FBXO11: variants seen among roughly 807,000 people sequenced by gnomAD.
The protein encoded by FBXO11 is F-box protein 11, also known as F-box only protein 11.
FBXO11 carries 13 observed loss-of-function variants against 117.0 expected under a neutral mutation model. The ratio of observed to expected loss-of-function variants is 0.11; its 90% CI spans 0.07 to 0.18. FBXO11 has a LOEUF of 0.18. Among genes scored for constraint, FBXO11 ranks in the 10% least tolerant of loss-of-function variants. The pLI, the probability that FBXO11 is intolerant of heterozygous loss-of-function variation, is 1.00. For synonymous variants in FBXO11, 490 were observed against 380.5 expected, an observed-to-expected ratio of 1.29 and a Z score of -3.35; for missense variants, 767 against 1,164.4, an observed-to-expected ratio of 0.66 and a Z score of 4.97.
intron 21 of FBXO11, 173 bp downstream of exon 21, chr2:47,808,985 C>CCA: frequency 4.0e-6 from 2 of 501,526 alleles, no homozygotes; most frequent in Non-Finnish European, 7.0e-6. Context: ...GCATAAGCCA[C>CCA]CACGCCTACC....
chr2:47,870,351 A>G (rs1488379315), intron 1 of FBXO11, among the ~76,000 whole-genome samples: 1 of 152,188 alleles, frequency 6.6e-6, no homozygotes, highest in East Asian at 1.9e-4. Flanking sequence ...TGTGCCTCTT[A>G]AAATGGTATT....
chr2:47,894,050 T>A (rs984044574), intron 1 of FBXO11, among the ~76,000 whole-genome samples: 1 of 152,170 alleles, frequency 6.6e-6, no homozygotes, highest in South Asian at 2.1e-4. Flanking sequence ...ATCATCAATT[T>A]CAATCAAGTA....
chr2:47,836,894 TTG>T (rs1672617461), intron 4 of FBXO11: 1 of 365,494 alleles, frequency 2.7e-6, no homozygotes, highest in African/African-American at 2.2e-5. Context: ...AGTGATCCTC[TTG>T]TCTTATTTTT....
intron 1 of FBXO11, among the ~76,000 whole-genome samples, chr2:47,865,442 G>A (rs1441763303): frequency 1.3e-5 from 2 of 152,300 alleles, no homozygotes; most frequent in East Asian, 3.9e-4. Context: ...GAATGTTGGA[G>A]AGTGAACAAA....
At chr2:47,905,083 C>T (rs1678661895) in intron 1 of FBXO11, 1 of 156,022 alleles carries the variant, frequency 6.4e-6, no homozygotes, top group South Asian at 2.1e-4. Flanking sequence ...CAGTCGCTCC[C>T]CCCACCTACC....
chr2:47,842,478 A>G (rs1448606384), intron 1 of FBXO11, among the ~76,000 whole-genome samples: 2 of 152,140 alleles, frequency 1.3e-5, no homozygotes, highest in African/African-American at 4.8e-5. Flanking sequence ...ATATTTCATA[A>G]TAACAAAGGT....
At chr2:47,841,966 G>C (rs1673043858) in intron 1 of FBXO11, among the ~76,000 whole-genome samples, 1 of 150,674 alleles carries the variant, frequency 6.6e-6, no homozygotes, top group Non-Finnish European at 1.5e-5. Context: ...GCTAGAAAAT[G>C]ATTATAATAC....
chr2:47,891,232 T>C (rs556704247), intron 1 of FBXO11, among the ~76,000 whole-genome samples: 1 of 152,326 alleles, frequency 6.6e-6, no homozygotes, highest in African/African-American at 2.4e-5. Context: ...CGGAACTTAT[T>C]CATCCTGCTT....
At chr2:47,827,035 A>G (rs1258623677) in intron 11 of FBXO11, among the ~76,000 whole-genome samples, 1 of 152,238 alleles carries the variant, frequency 6.6e-6, no homozygotes, top group African/African-American at 2.4e-5. Context: ...GTATTAATAA[A>G]TTAGGTTAAG....
chr2:47,839,519 A>C lies in FBXO11; in HGVS notation c.361-19T>G, dbSNP rs1672855212. 6.2e-7 allele frequency: 1 copy of C among 1,612,154 alleles called. No homozygotes were observed. The highest frequency in any genetic ancestry group is 8.5e-7 in the Non-Finnish European group (1 of 1,179,406). On this transcript the variant is annotated intron_variant, in intron 2 of 22. Coordinates refer to ENST00000403359, the MANE Select transcript of FBXO11 (RefSeq NM_001190274.2). ...AGGCGCCCTTCAAAAACAAAACAGAAACTAGTAAAGCAAATATTCTTATCA... is the reference window on the plus strand; with the variant it reads ...AGGCGCCCTTCAAAAACAAAACAGACACTAGTAAAGCAAATATTCTTATCA...
At chr2:47,901,552 A>T (rs1184751120) in intron 1 of FBXO11, among the ~76,000 whole-genome samples, 1 of 152,158 alleles carries the variant, frequency 6.6e-6, no homozygotes, top group African/African-American at 2.4e-5. Flanking sequence ...GGACTTCTGA[A>T]TTTTAAACTG....
intron 1 of FBXO11, among the ~76,000 whole-genome samples, chr2:47,856,370 G>A (rs1186529186): frequency 2.0e-5 from 3 of 152,204 alleles, no homozygotes; most frequent in African/African-American, 7.2e-5. Context: ...GGAAGACACG[G>A]TATGCAGCAA....
intron 18 of FBXO11, chr2:47,810,651 T>G (rs1670546552): frequency 2.4e-6 from 1 of 422,504 alleles, no homozygotes; most frequent in Admixed American, 4.3e-5. Flanking sequence ...ATCTGCCATC[T>G]CCATGATAGC....
intron 1 of FBXO11, among the ~76,000 whole-genome samples, chr2:47,847,479 CGGGAGG>C (rs1673507440): frequency 6.6e-6 from 1 of 151,906 alleles, no homozygotes; most frequent in Non-Finnish European, 1.5e-5. Context: ...GAGGCCAAGA[CGGGAGG>C]ATCATTTGAG....
At chr2:47,836,431 C>T (rs750553573) in intron 4 of FBXO11, among the ~76,000 whole-genome samples, 36 of 151,968 alleles carry the variant, frequency 2.4e-4, no homozygotes, top group Admixed American at 5.2e-4. Context: ...TGCAGTGCCA[C>T]GATCTCAGTT....
chr2:47,883,424 T>C (rs1325671529), intron 1 of FBXO11: 6 of 378,962 alleles, frequency 1.6e-5, no homozygotes, highest in South Asian at 1.0e-4. Flanking sequence ...CTCATCTCTT[T>C]ATTTCACTCA....
intron 1 of FBXO11, among the ~76,000 whole-genome samples, chr2:47,903,362 T>C (rs763954078): frequency 1.3e-5 from 2 of 152,204 alleles, no homozygotes; most frequent in Non-Finnish European, 2.9e-5. Flanking sequence ...GCAACAATTC[T>C]ACAGTAAATT....
chr2:47,862,072 C>T (rs1423513130), intron 1 of FBXO11, among the ~76,000 whole-genome samples: 3 of 152,080 alleles, frequency 2.0e-5, no homozygotes, highest in African/African-American at 7.2e-5. Flanking sequence ...GCTACCATGC[C>T]TGGCTAATTT....
intron 21 of FBXO11, 146 bp downstream of exon 21, chr2:47,809,012 A>C (rs1037442655): frequency 8.8e-6 from 5 of 570,992 alleles, no homozygotes; most frequent in Non-Finnish European, 9.3e-6. Context: ...TACAGTCTTA[A>C]ACACGATCTT....
Sources: gnomAD v4.1 joint callset for allele counts (sites outside exome capture counted in the v4.1 genomes callset) on GRCh38, gnomAD v4.1.1 for gene constraint, MANE v1.5 for transcripts, NCBI Gene and HGNC (gene_info 2026-07-23, HGNC 2026-07-21) for gene names.